PCDHA8: variants seen among roughly 807,000 people sequenced by gnomAD.
The protein encoded by PCDHA8 is protocadherin alpha-8.
In PCDHA8, 53 loss-of-function variants were observed where a neutral mutation model predicts 61.8. The observed-to-expected ratio is 0.86, with a 90% CI of 0.69 to 1.08. The LOEUF is 1.08. Among genes scored for constraint, PCDHA8 ranks in the 50% least tolerant of loss-of-function variants. The probability of loss-of-function intolerance (pLI) is 0.00; values close to 1 mark genes in which losing one functional copy is unlikely to be tolerated. For missense variants in PCDHA8, 1,293 were observed against 1,245.0 expected (o/e 1.04, Z -0.58); for synonymous variants, 618 against 556.6 (o/e 1.11, Z -1.55).
At chr5:140,884,954 T>C (rs2060416589) in intron 1 of PCDHA8, among the ~76,000 whole-genome samples, 1 of 152,208 alleles carries the variant, frequency 6.6e-6, no homozygotes, top group Non-Finnish European at 1.5e-5. Context: ...TTACAAAAAA[T>C]TCCTCACGTT....
At chr5:140,914,930 T>C (rs1474677743) in intron 1 of PCDHA8, among the ~76,000 whole-genome samples, 1 of 150,038 alleles carries the variant, frequency 6.7e-6, no homozygotes, top group Non-Finnish European at 1.5e-5. Flanking sequence ...TTGTACTATG[T>C]TGTGAAAAGT....
chr5:140,992,971 T>C (rs1186217726), intron 3 of PCDHA8, among the ~76,000 whole-genome samples: 17 of 152,166 alleles, frequency 1.1e-4, no homozygotes, highest in Admixed American at 1.1e-3. Flanking sequence ...CTGCTGACAA[T>C]GATTAGGCCA....
intron 1 of PCDHA8, chr5:140,870,602 A>G: frequency 6.2e-7 from 1 of 1,613,246 alleles, no homozygotes; most frequent in Non-Finnish European, 8.5e-7. Flanking sequence ...CGGTTGGGCG[A>G]CCGCGCGCTG....
At chr5:140,875,181 TAA>T (rs1554167538) in intron 1 of PCDHA8, 2 of 448,484 alleles carry the variant, frequency 4.5e-6, no homozygotes, top group East Asian at 4.2e-5. Flanking sequence ...ACATTAGAAT[TAA>T]GAGTGACCCA....
chr5:140,851,081 A>G, intron 1 of PCDHA8: 1 of 1,303,802 alleles, frequency 7.7e-7, no homozygotes, highest in Non-Finnish European at 1.0e-6. Flanking sequence ...TATAAACTGT[A>G]TATTAAATAG....
chr5:140,844,317 T>G (rs1026706831), intron 1 of PCDHA8, among the ~76,000 whole-genome samples: 3 of 149,600 alleles, frequency 2.0e-5, no homozygotes, highest in African/African-American at 7.3e-5. Context: ...TTCTTCCTAA[T>G]TTTATTATAA....
rs2098422979 is a variant in PCDHA8, at chr5:141,012,116, T to C, written c.*2179T>C. The C allele has an allele frequency of 6.5e-6, 1 of 153,756 alleles. No individual in the cohort carries two copies. Among genetic ancestry groups the C allele is most frequent in the African/African-American group, 2.4e-5 (1 of 41,464 alleles). The allele number at this position is 153,756 out of a possible 1,614,324, so 9.5% of individuals were successfully genotyped here. ...GATCATTTTGCCCCACTGAAGCCCA[T>C]GTATCTGACCTTACGTGCCTTTTGA... On this transcript the variant is annotated 3_prime_UTR_variant, in exon 4 of 4. Coordinates refer to ENST00000531613, the MANE Select transcript of PCDHA8 (RefSeq NM_018911.3).
chr5:140,950,071 T>C (rs560042578), intron 1 of PCDHA8, among the ~76,000 whole-genome samples: 20 of 152,098 alleles, frequency 1.3e-4, no homozygotes, highest in African/African-American at 4.8e-4. Context: ...TCCTGTGCCA[T>C]TGCTTATGCT....
intron 1 of PCDHA8, among the ~76,000 whole-genome samples, chr5:140,936,335 A>G (rs1278918836): frequency 2.0e-5 from 3 of 152,176 alleles, no homozygotes; most frequent in South Asian, 2.1e-4. Context: ...AATTTTCTCT[A>G]TCTGCATATA....
chr5:140,927,687 T>C (rs1563095426), intron 1 of PCDHA8: 2 of 1,614,158 alleles, frequency 1.2e-6, no homozygotes, highest in Non-Finnish European at 1.7e-6. Context: ...AAGGGTCCAA[T>C]GGGGAAGTCC....
rs892987704 is a variant in PCDHA8, at chr5:140,988,405, C to A, written c.2542+5842C>A. Among the ~76,000 whole-genome samples, 31 of 152,248 alleles carry A rather than the reference C, an allele frequency of 2.0e-4. No individual in the cohort carries two copies. In the East Asian group the frequency reaches 5.6e-3, roughly 28 times the overall value. The stretch of plus-strand genomic sequence containing the variant: ...ATTGTGTTTGCCAGAGTTCTCTTCG[C>A]AGCTTATGTAAAGAATTTGTTTGTT... On this transcript the variant is annotated intron_variant, in intron 3 of 3. Transcript: ENST00000531613.
intron 1 of PCDHA8, chr5:140,855,801 TGAAA>T: frequency 4.2e-6 from 2 of 474,526 alleles, no homozygotes; most frequent in Non-Finnish European, 7.5e-6. Context: ...AACATATGAA[TGAAA>T]GAAAAGTTGT....
chr5:141,000,393 CTCTATATATATA>C (rs1208951211), intron 3 of PCDHA8, among the ~76,000 whole-genome samples: 9 of 52,848 alleles, frequency 1.7e-4, no homozygotes, highest in African/African-American at 6.4e-4. Context: ...CTCTCTCTCT[CTCTATATATATA>C]TATATATATA....
chr5:140,887,357 A>T (rs112910602), intron 1 of PCDHA8, among the ~76,000 whole-genome samples: 12,309 of 152,126 alleles, frequency 0.081, 539 homozygotes, highest in Middle Eastern at 0.13. Context: ...CGGCCTCCCA[A>T]AGTGCTGGGA....
chr5:140,921,581 T>C (rs1199851100), intron 1 of PCDHA8, among the ~76,000 whole-genome samples: 1 of 152,210 alleles, frequency 6.6e-6, no homozygotes, highest in Non-Finnish European at 1.5e-5. Flanking sequence ...GAGCTCATAC[T>C]ATATTATGGT....
chr5:140,967,775 G>A, intron 1 of PCDHA8: 2 of 1,614,200 alleles, frequency 1.2e-6, no homozygotes, highest in South Asian at 2.2e-5. Context: ...CTATGTGCAG[G>A]CGACTGACCG....
chr5:140,923,297 G>C (rs1554201355), intron 1 of PCDHA8, among the ~76,000 whole-genome samples: 1 of 152,186 alleles, frequency 6.6e-6, no homozygotes, highest in African/African-American at 2.4e-5. Flanking sequence ...AATTAGCTGG[G>C]CGTGGGGGCG....
chr5:140,868,138 A>G (rs1436780455), intron 1 of PCDHA8: 7 of 152,142 alleles, frequency 4.6e-5, no homozygotes, highest in African/African-American at 1.4e-4. Context: ...CTGTCATATC[A>G]TTGATTCTGT....
At chr5:140,968,592 C>G (rs1554230905) in intron 1 of PCDHA8, 1 of 1,614,208 alleles carries the variant, frequency 6.2e-7, no homozygotes, top group African/African-American at 1.3e-5. Flanking sequence ...AAAGTCATAG[C>G]TATGGACTCA....
Sources: allele counts gnomAD v4.1 joint callset (sites outside exome capture counted in the v4.1 genomes callset), GRCh38; gene constraint gnomAD v4.1.1; transcripts MANE v1.5; gene names NCBI Gene and HGNC (gene_info 2026-07-23, HGNC 2026-07-21).